Variants in DTNB observed in about 807,000 individuals in gnomAD.
DTNB encodes the protein dystrobrevin beta, also known as DTN-B.
DTNB carries 63 observed loss-of-function variants against 90.7 expected under a neutral mutation model. The ratio of observed to expected loss-of-function variants is 0.69; its 90% CI spans 0.57 to 0.86. The LOEUF (loss-of-function observed/expected upper bound fraction) is 0.86. Among genes scored for constraint, DTNB ranks in the 40% least tolerant of loss-of-function variants. The pLI, the probability that DTNB is intolerant of heterozygous loss-of-function variation, is 0.00. For missense variants in DTNB, 744 were observed against 807.1 expected, an observed-to-expected ratio of 0.92 and a Z score of 0.95; for synonymous variants, 277 against 286.7, an observed-to-expected ratio of 0.97 and a Z score of 0.34.
intron 11 of DTNB, among the ~76,000 whole-genome samples, chr2:25,454,430 A>T (rs1351291000): frequency 6.6e-6 from 1 of 152,188 alleles, no homozygotes; most frequent in African/African-American, 2.4e-5. Context: ...AGCCTCTGTT[A>T]TGTGTACAGC....
At chr2:25,635,732 T>C (rs899697332) in intron 3 of DTNB, among the ~76,000 whole-genome samples, 17 of 152,248 alleles carry the variant, frequency 1.1e-4, no homozygotes, top group African/African-American at 2.4e-4. Context: ...TTAGTAGAAA[T>C]TGGCAAGCAG....
intron 7 of DTNB, among the ~76,000 whole-genome samples, chr2:25,577,308 A>G (rs1249622828): frequency 2.0e-5 from 3 of 152,062 alleles, no homozygotes; most frequent in African/African-American, 4.8e-5. Context: ...ATGATGGCAC[A>G]TGCCTGTAAT....
chr2:25,420,784 G>T (rs1158530224), intron 15 of DTNB, among the ~76,000 whole-genome samples: 1 of 152,156 alleles, frequency 6.6e-6, no homozygotes, highest in Admixed American at 6.5e-5. Flanking sequence ...CACCTGGCCG[G>T]TCTCTGTCTT....
chr2:25,557,080 A>G (rs937167470), intron 8 of DTNB, among the ~76,000 whole-genome samples: 2 of 152,248 alleles, frequency 1.3e-5, no homozygotes, highest in Non-Finnish European at 2.9e-5. Context: ...AATGGGTTCC[A>G]TGGCAGAACT....
chr2:25,411,350 A>C (rs1253868669), intron 16 of DTNB, among the ~76,000 whole-genome samples: 4 of 150,466 alleles, frequency 2.7e-5, no homozygotes, highest in Non-Finnish European at 4.4e-5. Flanking sequence ...GAAGAGTGAA[A>C]CTCCGTTTCA....
At chr2:25,596,043 A>C (rs748038805) in intron 6 of DTNB, 43 bp downstream of exon 6, 3 of 1,501,746 alleles carry the variant, frequency 2.0e-6, no homozygotes, top group Non-Finnish European at 2.7e-6. Context: ...GAAGGGAGGG[A>C]AGAGCGCTCT....
chr2:25,606,852 T>C (rs908611034), intron 5 of DTNB, among the ~76,000 whole-genome samples: 4 of 152,194 alleles, frequency 2.6e-5, no homozygotes, highest in African/African-American at 9.6e-5. Context: ...TGATGAAGAA[T>C]GGAGTTATTA....
chr2:25,571,164 G>A (rs1452355839), intron 8 of DTNB, among the ~76,000 whole-genome samples: 1 of 152,072 alleles, frequency 6.6e-6, no homozygotes. Flanking sequence ...CAACCCATTA[G>A]GCTGATGTAT....
At chr2:25,500,010 C>T (rs917348982) in intron 9 of DTNB, among the ~76,000 whole-genome samples, 6 of 152,138 alleles carry the variant, frequency 3.9e-5, no homozygotes, top group Non-Finnish European at 8.8e-5. Context: ...ATCCTCTTGC[C>T]TCAGCCTCCC....
In DTNB at chr2:25,512,578, A is replaced by C. The variant is rs374157995; in HGVS notation, c.1001+18895T>G. Among the ~76,000 whole-genome samples the C allele has an allele frequency of 3.4e-4, 52 of 152,320 alleles. 1 individual carries two copies. The South Asian group carries it at 9.3e-3, about 27-fold the overall frequency. ...AAGGAAAGAGATAGCATTTTATTGGATGATCAAATGACTGATAAAACAATA... is the reference window on the plus strand; with the variant it reads ...AAGGAAAGAGATAGCATTTTATTGGCTGATCAAATGACTGATAAAACAATA... On this transcript the variant is annotated intron_variant, in intron 9 of 20. Coordinates refer to ENST00000406818, the MANE Select transcript of DTNB (RefSeq NM_021907.5).
chr2:25,545,038 T>C (rs2082126679), intron 8 of DTNB, among the ~76,000 whole-genome samples: 1 of 152,242 alleles, frequency 6.6e-6, no homozygotes, highest in South Asian at 2.1e-4. Flanking sequence ...TATCCTTTAC[T>C]CACCTTTCAC....
chr2:25,659,636 A>G (rs2082742659), intron 1 of DTNB, among the ~76,000 whole-genome samples: 1 of 152,170 alleles, frequency 6.6e-6, no homozygotes, highest in Non-Finnish European at 1.5e-5. Context: ...TAATCTATAC[A>G]TATAACAACT....
rs1324301408 is a variant in DTNB, at chr2:25,387,293, A to G, written c.1821T>C (p.His607=). 1.2e-6 allele frequency: 2 copies of G among 1,610,174 alleles called. No homozygotes were observed. Among genetic ancestry groups the G allele is most frequent in the East Asian group, 4.5e-5 (2 of 44,874 alleles). Reference sequence around the variant, plus strand: ...GCTGGGAGCTCTGGGTTTCACCTGAATGGAGCTCCTTCACCAGGGATGACA... The same window carrying G: ...GCTGGGAGCTCTGGGTTTCACCTGAGTGGAGCTCCTTCACCAGGGATGACA... ...NTMSSLVKEL[H]SAEEGAEEEE... The change falls in exon 18 of 21, where the codon CAT becomes CAC. Residue 607 remains histidine (H), a synonymous_variant. Transcript: ENST00000406818. The surrounding 1 kb of genome is among the most constrained non-coding windows in gnomAD (Gnocchi z 4.5).
chr2:25,390,923 G>T (rs2040920692), intron 16 of DTNB, among the ~76,000 whole-genome samples: 1 of 145,380 alleles, frequency 6.9e-6, no homozygotes, highest in African/African-American at 2.6e-5. Context: ...TTGAGACGGA[G>T]TCTTGCTCTG....
At chr2:25,584,793 G>A (rs1222434147) in intron 6 of DTNB, among the ~76,000 whole-genome samples, 5 of 152,136 alleles carry the variant, frequency 3.3e-5, no homozygotes, top group South Asian at 2.1e-4. Context: ...CTGACCTCAC[G>A]TGATCCACCT....
intron 8 of DTNB, among the ~76,000 whole-genome samples, chr2:25,533,837 T>A (rs2078759587): frequency 6.6e-6 from 1 of 152,222 alleles, no homozygotes; most frequent in South Asian, 2.1e-4. Flanking sequence ...CACTGCTCCA[T>A]ACGACAGCAA....
At chr2:25,456,400 C>T (rs2060036989) in intron 10 of DTNB, among the ~76,000 whole-genome samples, 1 of 152,146 alleles carries the variant, frequency 6.6e-6, no homozygotes, top group Non-Finnish European at 1.5e-5. Context: ...CACCTAAAAA[C>T]ACAGACAAAA....
intron 10 of DTNB, among the ~76,000 whole-genome samples, chr2:25,460,351 AT>A (rs1463431889): frequency 6.6e-6 from 1 of 152,196 alleles, no homozygotes; most frequent in Non-Finnish European, 1.5e-5. Context: ...GGAGGTGGAT[AT>A]ACGAGGTAAG....
chr2:25,449,585 T>C (rs749281586), intron 12 of DTNB, among the ~76,000 whole-genome samples: 1 of 152,206 alleles, frequency 6.6e-6, no homozygotes, highest in Non-Finnish European at 1.5e-5. Context: ...CACATTTTCA[T>C]GTGCTTATTG....
Sources: gnomAD v4.1 joint callset for allele counts (sites outside exome capture counted in the v4.1 genomes callset) on GRCh38, gnomAD v4.1.1 for gene constraint, Gnocchi (gnomAD v3.1) non-coding constraint, MANE v1.5 for transcripts, NCBI Gene and HGNC (gene_info 2026-07-23, HGNC 2026-07-21) for gene names.